The following VDAC1 variants were observed in gnomAD, a reference collection of about 807,000 sequenced individuals.
VDAC1 encodes voltage dependent anion channel 1, also known as non-selective voltage-gated ion channel VDAC1.
VDAC1 carries 10 observed loss-of-function variants against 34.7 expected under a neutral mutation model. That is an observed-to-expected ratio of 0.29 (90% CI 0.18 to 0.49). VDAC1 has a LOEUF of 0.49. Ranked by LOEUF, VDAC1 falls within the 20% of genes least tolerant of loss-of-function variation. The pLI is 0.99. For missense variants in VDAC1, 230 were observed against 347.9 expected, an observed-to-expected ratio of 0.66 and a Z score of 2.69; for synonymous variants, 130 against 136.0, an observed-to-expected ratio of 0.96 and a Z score of 0.30.
chr5:134,088,389 A>G, the VDAC1 span, among the ~76,000 whole-genome samples: 2 of 152,176 alleles, frequency 1.3e-5, no homozygotes, highest in Admixed American at 1.3e-4. Context: ...AAGCCCCACT[A>G]GCCTGTGACT....
intron 1 of VDAC1, among the ~76,000 whole-genome samples, chr5:133,994,043 C>A (rs953921274): frequency 7.2e-5 from 11 of 152,192 alleles, no homozygotes; most frequent in Non-Finnish European, 1.2e-4. Flanking sequence ...TTTTAAAATA[C>A]AGTATACCTA....
chr5:134,102,497 C>T, the VDAC1 span, among the ~76,000 whole-genome samples: 1 of 152,000 alleles, frequency 6.6e-6, no homozygotes, highest in African/African-American at 2.4e-5. Context: ...GGAGAAACCC[C>T]GTCTCTACTA....
intron 1 of VDAC1, 132 bp downstream of exon 1, chr5:134,004,763 G>A (rs1010223052): frequency 2.0e-5 from 3 of 149,466 alleles, no homozygotes; most frequent in Admixed American, 2.0e-4. Flanking sequence ...GCGGGGCGGC[G>A]CGGACGGCGG....
intron 6 of VDAC1, among the ~76,000 whole-genome samples, chr5:133,977,369 A>C (rs1433515351): frequency 6.6e-6 from 1 of 152,230 alleles, no homozygotes; most frequent in African/African-American, 2.4e-5. Flanking sequence ...TCTTTCAAAA[A>C]CATTCAGAAT....
chr5:134,068,580 G>T, the VDAC1 span, among the ~76,000 whole-genome samples: 3 of 151,950 alleles, frequency 2.0e-5, no homozygotes, highest in African/African-American at 4.8e-5. Context: ...TTTCTTTGTA[G>T]GTAATTTTTC....
the VDAC1 span, among the ~76,000 whole-genome samples, chr5:134,046,942 T>C: frequency 6.6e-6 from 1 of 152,100 alleles, no homozygotes; most frequent in Non-Finnish European, 1.5e-5. Context: ...AAGGAGCCTG[T>C]TTTGTGGCTG....
At chr5:133,979,275 C>T (rs150452787) in intron 6 of VDAC1, among the ~76,000 whole-genome samples, 1 of 152,192 alleles carries the variant, frequency 6.6e-6, no homozygotes, top group African/African-American at 2.4e-5. Flanking sequence ...GGTGCCAATG[C>T]CCAATTTCAA....
the VDAC1 span, among the ~76,000 whole-genome samples, chr5:134,016,181 A>G: frequency 3.3e-5 from 5 of 152,348 alleles, no homozygotes; most frequent in South Asian, 1.0e-3. Context: ...TTCTTGCTGC[A>G]TAAGACAGAT....
chr5:133,992,828 T>C, intron 2 of VDAC1, 118 bp downstream of exon 2: 1 of 966,536 alleles, frequency 1.0e-6, no homozygotes, highest in Non-Finnish European at 1.5e-6. Flanking sequence ...CTTTTTTCCC[T>C]CACGTGAAAG....
intron 6 of VDAC1, among the ~76,000 whole-genome samples, chr5:133,980,434 C>T (rs1041033146): frequency 2.0e-5 from 3 of 152,134 alleles, no homozygotes; most frequent in Non-Finnish European, 2.9e-5. Flanking sequence ...GGAATGGACA[C>T]GCTCTGGACT....
At chr5:134,034,947 A>AG in the VDAC1 span, among the ~76,000 whole-genome samples, 1 of 151,910 alleles carries the variant, frequency 6.6e-6, no homozygotes, top group Non-Finnish European at 1.5e-5. Context: ...AGATGGAGAG[A>AG]GGGGGGACAT....
chr5:134,094,813 C>T, the VDAC1 span, among the ~76,000 whole-genome samples: 1 of 152,140 alleles, frequency 6.6e-6, no homozygotes, highest in Non-Finnish European at 1.5e-5. Context: ...CTGCCCTGGG[C>T]CCCACAGCTG....
chr5:133,998,838 G>A (rs1214998338), intron 1 of VDAC1, among the ~76,000 whole-genome samples: 1 of 152,224 alleles, frequency 6.6e-6, no homozygotes, highest in Non-Finnish European at 1.5e-5. Flanking sequence ...TGTTCAAGAA[G>A]AGCCTGCCAG....
the VDAC1 span, among the ~76,000 whole-genome samples, chr5:134,078,117 A>G: frequency 0.43 from 65,251 of 152,072 alleles, 15,017 homozygotes; most frequent in Non-Finnish European, 0.52. Context: ...CACACTGCCC[A>G]ACACCTGCTC....
At chr5:134,018,229 T>C in the VDAC1 span, among the ~76,000 whole-genome samples, 1 of 152,210 alleles carries the variant, frequency 6.6e-6, no homozygotes, top group East Asian at 1.9e-4. Flanking sequence ...AGCAGGTACA[T>C]CATGTGGCAA....
chr5:134,053,753 C>A, the VDAC1 span, among the ~76,000 whole-genome samples: 1 of 152,222 alleles, frequency 6.6e-6, no homozygotes, highest in East Asian at 1.9e-4. Context: ...CGGCAGTCAA[C>A]CAGCGCCTGC....
chr5:133,985,758 G>A (rs1457321423), intron 5 of VDAC1, among the ~76,000 whole-genome samples: 1 of 152,252 alleles, frequency 6.6e-6, no homozygotes, highest in Non-Finnish European at 1.5e-5. Context: ...GATGACTGAT[G>A]ATTAGACAGC....
At chr5:134,042,038 A>T in the VDAC1 span, among the ~76,000 whole-genome samples, 151 of 152,334 alleles carry the variant, frequency 9.9e-4, 1 homozygote, top group African/African-American at 3.5e-3. Flanking sequence ...TGAAAACAAA[A>T]CTGCTCTGAG....
the VDAC1 span, among the ~76,000 whole-genome samples, chr5:134,021,937 G>A: frequency 6.6e-6 from 1 of 150,724 alleles, no homozygotes; most frequent in African/African-American, 2.4e-5. Context: ...GAGTGCAATG[G>A]CATGATCTTG....
Sources: allele counts gnomAD v4.1 joint callset (sites outside exome capture counted in the v4.1 genomes callset), GRCh38; gene constraint gnomAD v4.1.1; transcripts MANE v1.5; gene names NCBI Gene and HGNC (gene_info 2026-07-23, HGNC 2026-07-21).